Variants in FRMD6 observed in about 807,000 individuals in gnomAD.
FRMD6 encodes the protein FERM domain containing 6, also known as FERM domain-containing protein 6.
Under a neutral mutation model 73.2 loss-of-function variants are expected in FRMD6, and 37 were observed. That is an observed-to-expected ratio of 0.51 (90% CI 0.39 to 0.66). The LOEUF (loss-of-function observed/expected upper bound fraction) is 0.66, where lower values mean the gene tolerates loss of function less well. FRMD6 is among the 30% of genes least tolerant of loss of function. FRMD6 has a pLI of 0.00. For synonymous variants in FRMD6, 273 were observed against 282.2 expected (o/e 0.97, Z 0.33); for missense variants, 714 against 780.5 (o/e 0.91, Z 1.02).
intron 1 of FRMD6, among the ~76,000 whole-genome samples, 197 bp from the exon 2 acceptor site, chr14:51,689,494 A>G (rs1895396260): frequency 2.0e-5 from 3 of 152,124 alleles, no homozygotes; most frequent in African/African-American, 7.2e-5. Context: ...CTGACTGTGG[A>G]TGAAAGCTTT....
intron 2 of FRMD6, chr14:51,637,393 A>G (rs911141234): frequency 6.6e-6 from 1 of 152,076 alleles, no homozygotes; most frequent in Non-Finnish European, 1.5e-5. Context: ...ATGTGCTCCC[A>G]TATTTAGTAT....
chr14:51,416,132 T>C, the FRMD6 span, among the ~76,000 whole-genome samples: 2 of 152,098 alleles, frequency 1.3e-5, no homozygotes, highest in African/African-American at 2.4e-5. Flanking sequence ...TTTTGAAGGG[T>C]TTTTTGTGTC....
intron 1 of FRMD6, among the ~76,000 whole-genome samples, chr14:51,513,408 C>A (rs1884428897): frequency 6.6e-6 from 1 of 152,180 alleles, no homozygotes; most frequent in African/African-American, 2.4e-5. Flanking sequence ...GGAACAGATT[C>A]CTTTGCCATT....
the FRMD6 span, among the ~76,000 whole-genome samples, chr14:51,409,184 CCT>C: frequency 6.6e-6 from 1 of 152,030 alleles, no homozygotes; most frequent in Non-Finnish European, 1.5e-5. Context: ...GCCTTCTGAC[CCT>C]CTGTGTGCAG....
the FRMD6 span, among the ~76,000 whole-genome samples, chr14:51,403,523 C>T: frequency 6.6e-6 from 1 of 152,122 alleles, no homozygotes; most frequent in Non-Finnish European, 1.5e-5. Context: ...ACTTCAGCCT[C>T]CCTGGTAGCT....
upstream of FRMD6, among the ~76,000 whole-genome samples, chr14:51,488,611 A>G (rs1882833674): frequency 6.6e-6 from 1 of 152,174 alleles, no homozygotes; most frequent in South Asian, 2.1e-4. Context: ...TGTCTTCTTA[A>G]ATACTGTATT....
chr14:51,470,439 G>T, the FRMD6 span, among the ~76,000 whole-genome samples: 1 of 152,060 alleles, frequency 6.6e-6, no homozygotes, highest in Non-Finnish European at 1.5e-5. Context: ...GGCGGAGGTT[G>T]CAGTGAGCCG....
At chr14:51,403,994 C>T in the FRMD6 span, among the ~76,000 whole-genome samples, 2 of 152,116 alleles carry the variant, frequency 1.3e-5, no homozygotes, top group East Asian at 3.8e-4. Flanking sequence ...AAATTATTTT[C>T]CAAAGTGGCT....
At chr14:51,704,214 C>T (rs1233341072) in intron 5 of FRMD6, among the ~76,000 whole-genome samples, 1 of 151,996 alleles carries the variant, frequency 6.6e-6, no homozygotes, top group Non-Finnish European at 1.5e-5. Flanking sequence ...GAAAAGAAAC[C>T]TTTGTTAAGC....
At chr14:51,678,514 G>A (rs757006166) in intron 1 of FRMD6, among the ~76,000 whole-genome samples, 15 of 152,106 alleles carry the variant, frequency 9.9e-5, no homozygotes, top group South Asian at 2.1e-4. Context: ...TCTGACCAAC[G>A]CTGACTCCCA....
chr14:51,566,227 T>C (rs933988575), intron 1 of FRMD6, among the ~76,000 whole-genome samples: 2 of 152,188 alleles, frequency 1.3e-5, no homozygotes, highest in African/African-American at 4.8e-5. Flanking sequence ...AACAAAGGAA[T>C]GACCATTCCA....
At chr14:51,401,295 T>G in the FRMD6 span, among the ~76,000 whole-genome samples, 1 of 152,194 alleles carries the variant, frequency 6.6e-6, no homozygotes. Context: ...ATGGAATTTA[T>G]TTTTCATCCA....
chr14:51,494,186 G>A (rs1883168134), intron 1 of FRMD6, among the ~76,000 whole-genome samples: 1 of 152,158 alleles, frequency 6.6e-6, no homozygotes, highest in Non-Finnish European at 1.5e-5. Context: ...ATAGCGCCAA[G>A]AGTCTTAACT....
At chr14:51,629,473 C>T (rs1476419408) in intron 2 of FRMD6, among the ~76,000 whole-genome samples, 1 of 152,140 alleles carries the variant, frequency 6.6e-6, no homozygotes, top group Non-Finnish European at 1.5e-5. Context: ...ATTTTACATT[C>T]CTACCAGCAG....
chr14:51,570,138 G>A (rs1888054284), intron 1 of FRMD6, among the ~76,000 whole-genome samples: 1 of 152,080 alleles, frequency 6.6e-6, no homozygotes, highest in South Asian at 2.1e-4. Flanking sequence ...GCCCGGCGGA[G>A]AATTTTCTTT....
chr14:51,491,114 T>C (rs1185067637), intron 1 of FRMD6, among the ~76,000 whole-genome samples: 2 of 152,198 alleles, frequency 1.3e-5, no homozygotes, highest in Non-Finnish European at 2.9e-5. Flanking sequence ...CCTGGGTGTC[T>C]CCAAGGGAAG....
chr14:51,419,499 G>A, the FRMD6 span, among the ~76,000 whole-genome samples: 3 of 152,214 alleles, frequency 2.0e-5, no homozygotes, highest in Admixed American at 1.3e-4. Flanking sequence ...AGGTCACTAG[G>A]AATTTCCTTG....
At chr14:51,541,149 G>T (rs1886183157) in intron 1 of FRMD6, among the ~76,000 whole-genome samples, 2 of 152,072 alleles carry the variant, frequency 1.3e-5, no homozygotes, top group Non-Finnish European at 2.9e-5. Flanking sequence ...GTTTCCAGTT[G>T]CTTCCTAACA....
chr14:51,480,835 C>T, the FRMD6 span, among the ~76,000 whole-genome samples: 5 of 152,246 alleles, frequency 3.3e-5, 1 homozygote, highest in African/African-American at 1.2e-4. Flanking sequence ...TAGATATTAC[C>T]TGGGAGAAAC....
Sources: allele counts gnomAD v4.1 joint callset (sites outside exome capture counted in the v4.1 genomes callset), GRCh38; gene constraint gnomAD v4.1.1; transcripts MANE v1.5; gene names NCBI Gene and HGNC (gene_info 2026-07-23, HGNC 2026-07-21).